Variants in BBX observed in about 807,000 individuals in gnomAD.
The protein encoded by BBX is BBX high mobility group box domain containing, also known as HMG box transcription factor BBX.
Under a neutral mutation model 100.2 loss-of-function variants are expected in BBX, and 30 were observed. That is an observed-to-expected ratio of 0.30 (90% confidence interval 0.22 to 0.41). The LOEUF (loss-of-function observed/expected upper bound fraction) is 0.41. Ranked by LOEUF, BBX falls within the 10% of genes least tolerant of loss-of-function variation. BBX has a pLI of 1.00. For missense variants in BBX, 1,023 were observed against 1,129.8 expected, an observed-to-expected ratio of 0.91 and a Z score of 1.35; for synonymous variants, 376 against 388.1, an observed-to-expected ratio of 0.97 and a Z score of 0.37.
At chr3:107,642,543 C>T (rs564202330) in intron 2 of BBX, among the ~76,000 whole-genome samples, 1 of 152,280 alleles carries the variant, frequency 6.6e-6, no homozygotes, top group South Asian at 2.1e-4. Flanking sequence ...CTTGGGGTCT[C>T]AGAAATCATG....
At chr3:107,655,045 G>A (rs1457956380) in intron 3 of BBX, among the ~76,000 whole-genome samples, 4 of 152,072 alleles carry the variant, frequency 2.6e-5, no homozygotes, top group African/African-American at 9.7e-5. Context: ...GAAATGTCCG[G>A]CTTCAAACTG....
At chr3:107,692,472 G>T (rs1250230736) in intron 3 of BBX, among the ~76,000 whole-genome samples, 2 of 151,764 alleles carry the variant, frequency 1.3e-5, no homozygotes, top group Non-Finnish European at 2.9e-5. Context: ...GCAATAGTTT[G>T]CTAAGAATGA....
intron 2 of BBX, among the ~76,000 whole-genome samples, chr3:107,626,069 C>T (rs2107708163): frequency 6.6e-6 from 1 of 152,214 alleles, no homozygotes; most frequent in African/African-American, 2.4e-5. Flanking sequence ...GAGACATGAT[C>T]ATTGGTAAAA....
At chr3:107,601,030 A>G (rs577176761) in intron 2 of BBX, among the ~76,000 whole-genome samples, 1 of 152,330 alleles carries the variant, frequency 6.6e-6, no homozygotes, top group Admixed American at 6.5e-5. Flanking sequence ...TTCTTGTAAC[A>G]TTTCAAATAT....
intron 7 of BBX, among the ~76,000 whole-genome samples, chr3:107,742,737 T>C (rs1382467846): frequency 6.6e-6 from 1 of 152,166 alleles, no homozygotes; most frequent in African/African-American, 2.4e-5. Flanking sequence ...GTAGACTTAT[T>C]TGATTGCATG....
At chr3:107,787,827 GC>G (rs1021214654) in intron 13 of BBX, among the ~76,000 whole-genome samples, 2 of 152,140 alleles carry the variant, frequency 1.3e-5, no homozygotes, top group African/African-American at 4.8e-5. Context: ...CATTTTCTAG[GC>G]CATCTTGGAG....
chr3:107,598,033 A>T (rs1207646409), intron 2 of BBX, among the ~76,000 whole-genome samples: 1 of 152,156 alleles, frequency 6.6e-6, no homozygotes, highest in Non-Finnish European at 1.5e-5. Flanking sequence ...AGGAGAGGGT[A>T]CTTGGAAAAG....
chr3:107,797,495 C>G (rs1225460284), intron 15 of BBX, among the ~76,000 whole-genome samples: 1 of 151,362 alleles, frequency 6.6e-6, no homozygotes, highest in Admixed American at 6.6e-5. Flanking sequence ...CTATGTCTAT[C>G]CTAAGAAATT....
chr3:107,767,101 A>G (rs577330439), intron 10 of BBX, among the ~76,000 whole-genome samples: 48 of 152,362 alleles, frequency 3.2e-4, no homozygotes, highest in African/African-American at 1.1e-3. Context: ...TACCTAATGT[A>G]GATGATAGGT....
chr3:107,585,303 A>G (rs1207697504), intron 2 of BBX, among the ~76,000 whole-genome samples: 2 of 152,206 alleles, frequency 1.3e-5, no homozygotes, highest in Non-Finnish European at 2.9e-5. Context: ...GATAGTTACC[A>G]TTGACACATA....
intron 3 of BBX, among the ~76,000 whole-genome samples, chr3:107,659,387 CTA>C (rs1187989787): frequency 6.6e-6 from 1 of 151,822 alleles, no homozygotes; most frequent in Admixed American, 6.6e-5. Context: ...TTTATATTAA[CTA>C]GAGTTCAATA....
intron 3 of BBX, among the ~76,000 whole-genome samples, chr3:107,681,460 G>A (rs1421555961): frequency 6.6e-6 from 1 of 152,038 alleles, no homozygotes; most frequent in African/African-American, 2.4e-5. Flanking sequence ...TTAGAAATTC[G>A]TGGGACATTA....
At chr3:107,596,668 G>A (rs1405027892) in intron 2 of BBX, among the ~76,000 whole-genome samples, 2 of 152,168 alleles carry the variant, frequency 1.3e-5, no homozygotes, top group Admixed American at 6.5e-5. Flanking sequence ...TGTTACTGGT[G>A]ATTGCCTGGG....
intron 10 of BBX, among the ~76,000 whole-genome samples, chr3:107,756,228 T>C (rs185320716): frequency 2.3e-4 from 35 of 152,094 alleles, no homozygotes; most frequent in East Asian, 7.7e-4. Flanking sequence ...ACCTTATTAG[T>C]GGGGGATGGA....
chr3:107,706,479 C>G (rs2061405765), intron 3 of BBX, among the ~76,000 whole-genome samples: 1 of 151,580 alleles, frequency 6.6e-6, no homozygotes, highest in Non-Finnish European at 1.5e-5. Context: ...TTTTTTTTCA[C>G]AAGGTAAATT....
rs559105308 is a variant in BBX at position 107,696,133 on chromosome 3, G to A, written c.-9-14319G>A. On this transcript the variant is annotated intron_variant, in intron 3 of 17. Coordinates refer to ENST00000325805, the MANE Select transcript of BBX (RefSeq NM_001142568.3). ...TTTCCTGAATATAGCACACTGATGGGTCTTGACTCTTTATCCAATTTGCCA... is the reference window on the plus strand; with the variant it reads ...TTTCCTGAATATAGCACACTGATGGATCTTGACTCTTTATCCAATTTGCCA... 2.6e-4 allele frequency among the ~76,000 whole-genome samples: 39 copies of A among 151,774 alleles called. 1 individual carries two copies. Among genetic ancestry groups the A allele is most frequent in the African/African-American group, 8.3e-4 (34 of 41,108 alleles).
chr3:107,525,128 A>G (rs2107271065), intron 1 of BBX, among the ~76,000 whole-genome samples: 1 of 147,894 alleles, frequency 6.8e-6, no homozygotes, highest in East Asian at 2.1e-4. Context: ...GTAGGCAGCC[A>G]GCGGCCCAGG....
intron 2 of BBX, among the ~76,000 whole-genome samples, chr3:107,631,520 C>T (rs1402500943): frequency 1.3e-5 from 2 of 149,884 alleles, no homozygotes; most frequent in Non-Finnish European, 3.0e-5. Flanking sequence ...GGTTAAAAAC[C>T]ATTCTCCTTG....
intron 17 of BBX, among the ~76,000 whole-genome samples, chr3:107,804,498 G>A (rs1406320603): frequency 3.3e-5 from 5 of 152,182 alleles, no homozygotes; most frequent in Non-Finnish European, 7.3e-5. Context: ...TTTAGAATGA[G>A]AAGCTCTGTA....
Sources: allele counts gnomAD v4.1 joint callset (sites outside exome capture counted in the v4.1 genomes callset), GRCh38; gene constraint gnomAD v4.1.1; transcripts MANE v1.5; gene names NCBI Gene and HGNC (gene_info 2026-07-23, HGNC 2026-07-21).